Variants in ANKRD11 observed in about 807,000 individuals in gnomAD.
The protein encoded by ANKRD11 is ankyrin repeat domain 11.
ANKRD11 carries 17 observed loss-of-function variants against 195.7 expected under a neutral mutation model. The ratio of observed to expected loss-of-function variants is 0.09; its 90% CI spans 0.06 to 0.13. The LOEUF (loss-of-function observed/expected upper bound fraction) is 0.13, where lower values mean the gene tolerates loss of function less well. ANKRD11 is among the 10% of genes least tolerant of loss of function. ANKRD11 has a pLI of 1.00. For missense variants in ANKRD11, 3,735 were observed against 3,566.1 expected (o/e 1.05, Z -1.21); for synonymous variants, 1,953 against 1,528.1 (o/e 1.28, Z -6.49).
intron 2 of ANKRD11, among the ~76,000 whole-genome samples, chr16:89,380,101 C>T (rs2040580545): frequency 6.6e-6 from 1 of 152,160 alleles, no homozygotes; most frequent in Non-Finnish European, 1.5e-5. Flanking sequence ...ACCCCAGTTG[C>T]AAAACAATGA....
At chr16:89,461,049 C>A (rs949634594) in intron 1 of ANKRD11, among the ~76,000 whole-genome samples, 1 of 142,018 alleles carries the variant, frequency 7.0e-6, no homozygotes, top group East Asian at 2.1e-4. Flanking sequence ...TGACCACCCC[C>A]CCGCAGGAGA....
chr16:89,278,470 C>G (rs1414010375), intron 9 of ANKRD11: 5 of 452,726 alleles, frequency 1.1e-5, no homozygotes, highest in Non-Finnish European at 2.2e-5. Context: ...GGGGTGATTC[C>G]GAGATGTTTC....
chr16:89,365,674 G>A (rs1001466899), intron 2 of ANKRD11, among the ~76,000 whole-genome samples: 1 of 152,148 alleles, frequency 6.6e-6, no homozygotes, highest in Non-Finnish European at 1.5e-5. Flanking sequence ...TTCTTCCTGG[G>A]CAGTGTCTGT....
chr16:89,285,380 C>A lies in ANKRD11; in HGVS notation c.1162G>T (p.Val388Phe). 1.2e-6 allele frequency: 2 copies of A among 1,614,102 alleles called. No individual in the cohort carries two copies. The highest frequency in any genetic ancestry group is 2.2e-5 in the South Asian group (2 of 91,076). ...NSFISIPKME[V>F]KSYTKNNTIA... ...GTGTTATTTTTAGTGTAACTTTTAA[C>A]CTCCATTTTGGGTATAGAGATAAAA... The change falls in exon 9 of 13, where the codon GTT becomes TTT. Residue 388 changes from valine to phenylalanine, a missense_variant. Transcript: ENST00000301030. This position sits in a 1 kb window ranked among gnomAD's most constrained non-coding sequence, Gnocchi z 5.6.
At position 89,304,144 on chromosome 16, in the gene ANKRD11, C is replaced by T. The variant is rs140822112; in HGVS notation, c.226+1062G>A. On this transcript the variant is annotated intron_variant, in intron 4 of 12. Coordinates refer to ENST00000301030, the MANE Select transcript of ANKRD11 (RefSeq NM_013275.6). ...CACAAGAATCACCAAAGAGCAAGCACGGCCAGCGCAGAGGCCTCTGGGCTC... is the reference window on the plus strand; with the variant it reads ...CACAAGAATCACCAAAGAGCAAGCATGGCCAGCGCAGAGGCCTCTGGGCTC... Among the ~76,000 whole-genome samples, 1,207 of 152,330 alleles carry T rather than the reference C, an allele frequency of 7.9e-3. 9 individuals are homozygous for T. Among genetic ancestry groups the T allele is most frequent in the Non-Finnish European group, 0.013 (870 of 68,038 alleles).
intron 1 of ANKRD11, among the ~76,000 whole-genome samples, chr16:89,458,687 T>A (rs2056539869): frequency 6.6e-6 from 1 of 152,214 alleles, no homozygotes; most frequent in Non-Finnish European, 1.5e-5. Flanking sequence ...AAGAAGCTGT[T>A]TCATTCAACA....
chr16:89,305,450 T>G, intron 3 of ANKRD11, 106 bp from the exon 4 acceptor site: 7 of 1,483,824 alleles, frequency 4.7e-6, no homozygotes, highest in Non-Finnish European at 6.5e-6. Context: ...ATTTGGGCAA[T>G]GAACACCCTC....
chr16:89,441,592 C>T (rs916261977), intron 1 of ANKRD11, among the ~76,000 whole-genome samples: 1 of 151,726 alleles, frequency 6.6e-6, no homozygotes, highest in Non-Finnish European at 1.5e-5. Flanking sequence ...ATGGTAAAAC[C>T]CCACCTCTAC....
intron 2 of ANKRD11, among the ~76,000 whole-genome samples, chr16:89,372,265 C>A (rs1278809003): frequency 6.6e-6 from 1 of 152,258 alleles, no homozygotes; most frequent in Non-Finnish European, 1.5e-5. Flanking sequence ...GCCCGAGCCT[C>A]TCACTGAGAT....
chr16:89,273,457 T>A (rs1406699441), intron 11 of ANKRD11, among the ~76,000 whole-genome samples: 2 of 152,152 alleles, frequency 1.3e-5, no homozygotes, highest in African/African-American at 2.4e-5. Flanking sequence ...ACTCCCGCAC[T>A]TTGGGAGGCT....
At chr16:89,463,103 C>A (rs1471133666) in intron 1 of ANKRD11, among the ~76,000 whole-genome samples, 2 of 151,572 alleles carry the variant, frequency 1.3e-5, no homozygotes, top group African/African-American at 4.8e-5. Flanking sequence ...GTGAGGGGCG[C>A]CTCTGCCCGG....
chr16:89,278,803 C>T (rs1324377699), intron 9 of ANKRD11: 2 of 644,920 alleles, frequency 3.1e-6, no homozygotes, highest in South Asian at 1.5e-5. Context: ...CGAGTGGGAC[C>T]GGGGTGCACC....
chr16:89,362,053 T>TA (rs1256507143), intron 2 of ANKRD11, among the ~76,000 whole-genome samples: 1 of 152,246 alleles, frequency 6.6e-6, no homozygotes, highest in Non-Finnish European at 1.5e-5. Flanking sequence ...GCTCCTCAGA[T>TA]ACGTTTCATT....
intron 1 of ANKRD11, among the ~76,000 whole-genome samples, chr16:89,469,398 A>T (rs2056993470): frequency 1.3e-5 from 2 of 151,794 alleles, no homozygotes; most frequent in African/African-American, 2.4e-5. Flanking sequence ...ATTTTTTTGC[A>T]TTTCAGTAAA....
intron 2 of ANKRD11, among the ~76,000 whole-genome samples, chr16:89,355,945 G>A (rs562034271): frequency 1.1e-4 from 16 of 152,280 alleles, no homozygotes; most frequent in Non-Finnish European, 2.2e-4. Context: ...TAAGTGACTC[G>A]CCCAAGACCA....
At chr16:89,420,447 G>A (rs928401236) in intron 1 of ANKRD11, 2 of 152,250 alleles carry the variant, frequency 1.3e-5, no homozygotes, top group South Asian at 2.1e-4. Flanking sequence ...ACACGCCGGT[G>A]AGAACTGCTG....
At chr16:89,487,162 T>G (rs924583787) in intron 1 of ANKRD11, among the ~76,000 whole-genome samples, 1 of 152,228 alleles carries the variant, frequency 6.6e-6, no homozygotes, top group African/African-American at 2.4e-5. Context: ...GAGCACTGAC[T>G]ACACAAGAGT....
chr16:89,404,294 C>T (rs1025192912), intron 2 of ANKRD11, among the ~76,000 whole-genome samples: 2 of 152,178 alleles, frequency 1.3e-5, no homozygotes. Context: ...AGCAAAGACT[C>T]TGAGAACATC....
rs2033994384 is a variant in ANKRD11, at chr16:89,279,650, G to C, written c.6892C>G (p.Arg2298Gly). 3 of 1,441,002 alleles carry C rather than the reference G, an allele frequency of 2.1e-6. No individual in the cohort carries two copies. Among genetic ancestry groups the C allele is most frequent in the Non-Finnish European group, 1.8e-6 (2 of 1,103,022 alleles). The allele number at this position is 1,441,002 out of a possible 1,614,324, so 89.3% of individuals were successfully genotyped here. The change falls in exon 9 of 13, where the codon CGT becomes GGT. Residue 2298 changes from arginine (R) to glycine (G), a missense_variant. By Grantham distance (125) the Arg-to-Gly change is moderately radical. Coordinates refer to ENST00000301030, the MANE Select transcript of ANKRD11 (RefSeq NM_013275.6). This position sits in a 1 kb window ranked among gnomAD's most constrained non-coding sequence, Gnocchi z 5.6. ...GGGCCTTCGGCTGGGGCGGCGGCACGGGAGGCCTCAGTGTCGTCCTCGGGG... is the reference window on the plus strand; with the variant it reads ...GGGCCTTCGGCTGGGGCGGCGGCACCGGAGGCCTCAGTGTCGTCCTCGGGG... ...AGPEDDTEASRAAAPAEGPPG... is the reference protein window; with the variant it reads ...AGPEDDTEASGAAAPAEGPPG...
Sources: allele counts gnomAD v4.1 joint callset (sites outside exome capture counted in the v4.1 genomes callset), GRCh38; gene constraint gnomAD v4.1.1; non-coding constraint Gnocchi (gnomAD v3.1); transcripts MANE v1.5; gene names NCBI Gene and HGNC (gene_info 2026-07-23, HGNC 2026-07-21).